The following ADGRB3 variants were observed in gnomAD, a reference collection of about 807,000 sequenced individuals.
ADGRB3 encodes the protein brain-specific angiogenesis inhibitor 3.
ADGRB3 carries 37 observed loss-of-function variants against 193.4 expected under a neutral mutation model. The ratio of observed to expected loss-of-function variants is 0.19; its 90% confidence interval spans 0.15 to 0.25. ADGRB3 has a LOEUF of 0.25. ADGRB3 is among the 10% of genes least tolerant of loss of function. The pLI, the probability that ADGRB3 is intolerant of heterozygous loss-of-function variation, is 1.00. For missense variants in ADGRB3, 1,637 were observed against 1,852.9 expected (o/e 0.88, Z 2.14); for synonymous variants, 690 against 644.2 (o/e 1.07, Z -1.08).
chr6:69,221,240 G>T (rs1441447740), intron 17 of ADGRB3, among the ~76,000 whole-genome samples: 3 of 152,046 alleles, frequency 2.0e-5, no homozygotes, highest in East Asian at 1.9e-4. Flanking sequence ...GTTCATAAAA[G>T]AATATTGCCC....
intron 17 of ADGRB3, among the ~76,000 whole-genome samples, chr6:69,094,658 C>T (rs1772818367): frequency 6.6e-6 from 1 of 152,140 alleles, no homozygotes. Flanking sequence ...TCTCATAGAG[C>T]ATTCAAATCT....
intron 26 of ADGRB3, among the ~76,000 whole-genome samples, chr6:69,346,583 C>A (rs566304008): frequency 6.6e-6 from 1 of 152,106 alleles, no homozygotes; most frequent in Non-Finnish European, 1.5e-5. Context: ...ATTTATGCAG[C>A]CAACAAACAT....
chr6:68,922,535 C>T (rs933543292), intron 3 of ADGRB3, among the ~76,000 whole-genome samples: 5 of 152,180 alleles, frequency 3.3e-5, no homozygotes, highest in Non-Finnish European at 7.4e-5. Context: ...ACCTGTTCAT[C>T]GAGCTTGACC....
chr6:69,127,950 G>A (rs545530893), intron 17 of ADGRB3, among the ~76,000 whole-genome samples: 1 of 151,236 alleles, frequency 6.6e-6, no homozygotes, highest in East Asian at 1.9e-4. Context: ...TGTCTTTAAA[G>A]GTCTCCTTCG....
At chr6:68,865,696 A>G (rs1765277065) in intron 3 of ADGRB3, among the ~76,000 whole-genome samples, 1 of 152,120 alleles carries the variant, frequency 6.6e-6, no homozygotes, top group Admixed American at 6.5e-5. Flanking sequence ...TCTCATGGCC[A>G]TGGAAACTCA....
At chr6:69,292,634 G>T (rs963935337) in intron 20 of ADGRB3, among the ~76,000 whole-genome samples, 1 of 152,016 alleles carries the variant, frequency 6.6e-6, no homozygotes, top group African/African-American at 2.4e-5. Context: ...TTCTGGGCAG[G>T]TTCCACCAAT....
chr6:69,294,919 T>C (rs972853347), intron 20 of ADGRB3, among the ~76,000 whole-genome samples: 1 of 152,194 alleles, frequency 6.6e-6, no homozygotes, highest in Non-Finnish European at 1.5e-5. Context: ...TTTCATATTC[T>C]ATATCACCTT....
At chr6:68,986,865 C>G (rs1027294816) in intron 10 of ADGRB3, among the ~76,000 whole-genome samples, 2 of 151,816 alleles carry the variant, frequency 1.3e-5, no homozygotes, top group Non-Finnish European at 2.9e-5. Flanking sequence ...TTTTAATATT[C>G]ACACAATAGC....
chr6:69,121,817 C>G (rs1485538013), intron 17 of ADGRB3, among the ~76,000 whole-genome samples: 8 of 135,970 alleles, frequency 5.9e-5, no homozygotes, highest in Non-Finnish European at 9.5e-5. Flanking sequence ...ACATCCCAGA[C>G]AATGGGCGGC....
At chr6:68,908,730 A>T (rs893752530) in intron 3 of ADGRB3, among the ~76,000 whole-genome samples, 1 of 152,138 alleles carries the variant, frequency 6.6e-6, no homozygotes, top group Non-Finnish European at 1.5e-5. Context: ...CCGTATTGCT[A>T]TATAATTTCT....
intron 3 of ADGRB3, among the ~76,000 whole-genome samples, chr6:68,703,768 G>A (rs1472561167): frequency 3.9e-5 from 6 of 151,926 alleles, no homozygotes; most frequent in Non-Finnish European, 7.4e-5. Flanking sequence ...GATTACAGGC[G>A]CCCGCCACCA....
chr6:68,656,125 A>C (rs1309749014), intron 3 of ADGRB3, among the ~76,000 whole-genome samples: 2 of 151,738 alleles, frequency 1.3e-5, no homozygotes, highest in African/African-American at 2.4e-5. Flanking sequence ...ATTTATTCTT[A>C]GGCTTAATGT....
chr6:68,793,437 CCTTT>C (rs1767147419), intron 3 of ADGRB3, among the ~76,000 whole-genome samples: 1 of 151,956 alleles, frequency 6.6e-6, no homozygotes, highest in Non-Finnish European at 1.5e-5. Context: ...ATCTTTATAT[CCTTT>C]CTAGTGTGAA....
intron 17 of ADGRB3, among the ~76,000 whole-genome samples, chr6:69,116,524 A>C (rs574756842): frequency 1.3e-5 from 2 of 152,304 alleles, no homozygotes; most frequent in South Asian, 4.1e-4. Context: ...TGTGAAATAA[A>C]ATTTTCTTTG....
chr6:69,334,576 A>G (rs1037701540), intron 24 of ADGRB3, among the ~76,000 whole-genome samples: 1 of 152,140 alleles, frequency 6.6e-6, no homozygotes, highest in Admixed American at 6.5e-5. Context: ...AGCTTTCTAG[A>G]TCATTTGAAC....
At chr6:69,275,254 T>C (rs1767276886) in intron 20 of ADGRB3, among the ~76,000 whole-genome samples, 1 of 152,162 alleles carries the variant, frequency 6.6e-6, no homozygotes, top group Non-Finnish European at 1.5e-5. Context: ...TCAAAGGTAC[T>C]TCACAGTTTG....
intron 29 of ADGRB3, among the ~76,000 whole-genome samples, chr6:69,372,088 CTGTT>C (rs1291043773): frequency 6.6e-6 from 1 of 151,994 alleles, no homozygotes; most frequent in African/African-American, 2.4e-5. Context: ...ATTGAAATGT[CTGTT>C]TGAGTTTTCA....
At chr6:69,063,853 A>G (rs1052902617) in intron 16 of ADGRB3, among the ~76,000 whole-genome samples, 1 of 152,036 alleles carries the variant, frequency 6.6e-6, no homozygotes, top group Admixed American at 6.6e-5. Context: ...GAGCAAGGAA[A>G]GTGATCCCTA....
chr6:69,066,741 T>C (rs1009822207), intron 16 of ADGRB3, among the ~76,000 whole-genome samples: 6 of 152,086 alleles, frequency 3.9e-5, no homozygotes, highest in African/African-American at 1.2e-4. Flanking sequence ...TAAAGAAATA[T>C]CAAATTTTTT....
Sources: gnomAD v4.1 joint callset for allele counts (sites outside exome capture counted in the v4.1 genomes callset) on GRCh38, gnomAD v4.1.1 for gene constraint, MANE v1.5 for transcripts, NCBI Gene and HGNC (gene_info 2026-07-23, HGNC 2026-07-21) for gene names.